Variants in CNTN4 observed in about 807,000 individuals in gnomAD.
CNTN4 encodes contactin-4.
In CNTN4, 77 loss-of-function variants were observed where a neutral mutation model predicts 122.5. The observed-to-expected ratio is 0.63, with a 90% CI of 0.52 to 0.76. The LOEUF is 0.76. CNTN4 is among the 30% of genes least tolerant of loss of function. The probability of loss-of-function intolerance (pLI) is 0.00; values close to 1 mark genes in which losing one functional copy is unlikely to be tolerated. For synonymous variants in CNTN4, 512 were observed against 447.0 expected (o/e 1.15, Z -1.83); for missense variants, 1,256 against 1,259.1 (o/e 1.00, Z 0.04).
chr3:2,880,292 C>G (rs539223593), intron 8 of CNTN4, among the ~76,000 whole-genome samples: 12 of 152,326 alleles, frequency 7.9e-5, no homozygotes, highest in African/African-American at 2.9e-4. Flanking sequence ...TCATCTCCCT[C>G]TAACACATGA....
chr3:2,201,683 G>A (rs17009628), intron 2 of CNTN4, among the ~76,000 whole-genome samples: 6,795 of 152,162 alleles, frequency 0.045, 263 homozygotes, highest in African/African-American at 0.11. Context: ...AGTGCTAGTA[G>A]GTGACCTCAC....
chr3:3,054,624 TTTAAAGAAAAAAA>T (rs1701613290), intron 24 of CNTN4, among the ~76,000 whole-genome samples: 2 of 152,038 alleles, frequency 1.3e-5, no homozygotes, highest in South Asian at 4.1e-4. Context: ...ATCTCATTTA[TTTAAAGAAAAAAA>T]ACAAAATAGC....
At chr3:2,481,971 G>A (rs1389093185) in intron 3 of CNTN4, among the ~76,000 whole-genome samples, 3 of 152,158 alleles carry the variant, frequency 2.0e-5, no homozygotes, top group Admixed American at 6.5e-5. Context: ...TCTCTGCATA[G>A]CAGTGTGAGA....
chr3:2,415,397 C>A (rs1294633565), intron 3 of CNTN4, among the ~76,000 whole-genome samples: 3 of 152,138 alleles, frequency 2.0e-5, no homozygotes, highest in Non-Finnish European at 4.4e-5. Context: ...ATGAATTGTA[C>A]AGAATTTCAG....
intron 9 of CNTN4, among the ~76,000 whole-genome samples, chr3:2,886,583 C>T (rs2093982193): frequency 6.8e-6 from 1 of 146,116 alleles, no homozygotes; most frequent in Admixed American, 6.9e-5. Context: ...GCGATCTTGG[C>T]TCACTGCAAC....
chr3:2,189,516 A>T (rs551439065), intron 2 of CNTN4, among the ~76,000 whole-genome samples: 1 of 152,174 alleles, frequency 6.6e-6, no homozygotes. Flanking sequence ...AGATAAATGA[A>T]TCAGTTTGAT....
At position 2,696,777 on chromosome 3, in the gene CNTN4, A is replaced by G. The variant is rs556662449; in HGVS notation, c.56-39438A>G. 1.3e-5 allele frequency among the ~76,000 whole-genome samples: 2 copies of G among 152,302 alleles called. 1 individual carries two copies. The highest frequency in any genetic ancestry group is 4.8e-5 in the African/African-American group (2 of 41,578). On this transcript the variant is annotated intron_variant, in intron 4 of 24. Transcript: ENST00000418658. ...TTCTCTGACCTGAATAAAGTAGCAT[A>G]TATGATTCTCATTATACTATTGATA...
intron 7 of CNTN4, among the ~76,000 whole-genome samples, chr3:2,826,243 C>G (rs571901286): frequency 2.6e-5 from 4 of 152,282 alleles, no homozygotes; most frequent in South Asian, 4.1e-4. Flanking sequence ...ATCTGAGTTT[C>G]TTGATGGCAG....
chr3:2,627,924 G>A (rs927504972), intron 4 of CNTN4, among the ~76,000 whole-genome samples: 10 of 152,130 alleles, frequency 6.6e-5, no homozygotes, highest in Admixed American at 2.6e-4. Context: ...TTGTTCTGTC[G>A]TCAAGTAATC....
intron 15 of CNTN4, among the ~76,000 whole-genome samples, chr3:3,027,944 C>T (rs1698867209): frequency 6.6e-6 from 1 of 152,192 alleles, no homozygotes; most frequent in Non-Finnish European, 1.5e-5. Context: ...CCCTGTTAAA[C>T]TAGTGCTAAC....
chr3:2,703,669 ATTAAC>A (rs1435573151), intron 4 of CNTN4, among the ~76,000 whole-genome samples: 3 of 152,162 alleles, frequency 2.0e-5, no homozygotes. Flanking sequence ...TAAAGAAGTT[ATTAAC>A]TTAAATAAAC....
chr3:2,820,488 G>A (rs1371337049), intron 7 of CNTN4, among the ~76,000 whole-genome samples: 7 of 152,102 alleles, frequency 4.6e-5, no homozygotes, highest in African/African-American at 9.7e-5. Context: ...GTTCCGTTGT[G>A]TAGGCATGAT....
intron 6 of CNTN4, among the ~76,000 whole-genome samples, chr3:2,777,054 C>T (rs2149813730): frequency 6.6e-6 from 1 of 152,210 alleles, no homozygotes; most frequent in Non-Finnish European, 1.5e-5. Flanking sequence ...AATCTTGGTT[C>T]ACTGCAACCT....
At chr3:2,679,383 C>T (rs2085044508) in intron 4 of CNTN4, among the ~76,000 whole-genome samples, 2 of 152,036 alleles carry the variant, frequency 1.3e-5, no homozygotes, top group Non-Finnish European at 2.9e-5. Context: ...AGACTCAGCC[C>T]ATCAACCAGA....
intron 14 of CNTN4, among the ~76,000 whole-genome samples, chr3:3,005,912 T>G (rs1446036827): frequency 2.8e-5 from 4 of 141,394 alleles, no homozygotes; most frequent in African/African-American, 5.2e-5. Context: ...TTGAGACGGA[T>G]TCTCACTGTG....
intron 2 of CNTN4, among the ~76,000 whole-genome samples, chr3:2,219,498 C>T (rs1401139045): frequency 6.6e-6 from 1 of 152,068 alleles, no homozygotes; most frequent in Non-Finnish European, 1.5e-5. Context: ...GCATCCTTTT[C>T]CTGTTTATTA....
At chr3:2,510,881 A>G (rs749613) in intron 3 of CNTN4, among the ~76,000 whole-genome samples, 52,142 of 151,900 alleles carry the variant, frequency 0.34, 10,306 homozygotes, top group Admixed American at 0.47. Flanking sequence ...CCATATCACC[A>G]GTTCCTTTTA....
intron 3 of CNTN4, among the ~76,000 whole-genome samples, chr3:2,515,757 T>G (rs2077021707): frequency 6.6e-6 from 1 of 152,160 alleles, no homozygotes. Context: ...TTTGAGAATC[T>G]TTACTGCAGA....
chr3:2,471,193 A>G (rs1011173988), intron 3 of CNTN4, among the ~76,000 whole-genome samples: 17 of 152,256 alleles, frequency 1.1e-4, no homozygotes, highest in African/African-American at 3.9e-4. Context: ...AGACTTCTCA[A>G]ACTAAGTCCC....
Sources: allele counts gnomAD v4.1 joint callset (sites outside exome capture counted in the v4.1 genomes callset), GRCh38; gene constraint gnomAD v4.1.1; transcripts MANE v1.5; gene names NCBI Gene and HGNC (gene_info 2026-07-23, HGNC 2026-07-21).